Variants in APBB2 observed in about 807,000 individuals in gnomAD.
APBB2 encodes the protein amyloid beta precursor protein binding family B member 2, also known as Fe65-like 1.
APBB2 carries 38 observed loss-of-function variants against 82.5 expected under a neutral mutation model. That is an observed-to-expected ratio of 0.46 (90% CI 0.36 to 0.60). The LOEUF is 0.60. Among genes scored for constraint, APBB2 ranks in the 20% least tolerant of loss-of-function variants. The probability of loss-of-function intolerance (pLI) is 0.00; values close to 1 mark genes in which losing one functional copy is unlikely to be tolerated. For missense variants in APBB2, 772 were observed against 972.3 expected, an observed-to-expected ratio of 0.79 and a Z score of 2.74; for synonymous variants, 341 against 368.2, an observed-to-expected ratio of 0.93 and a Z score of 0.85.
intron 2 of APBB2, among the ~76,000 whole-genome samples, chr4:41,106,902 G>C (rs1434737747): frequency 6.6e-6 from 1 of 152,146 alleles, no homozygotes; most frequent in Non-Finnish European, 1.5e-5. Flanking sequence ...ACATCTTACT[G>C]TGCCAAAAAG....
intron 3 of APBB2, among the ~76,000 whole-genome samples, chr4:41,089,873 T>C (rs544424884): frequency 1.3e-5 from 2 of 152,334 alleles, no homozygotes; most frequent in South Asian, 2.1e-4. Context: ...AAGCATGTTT[T>C]GATCCTACGC....
intron 1 of APBB2, among the ~76,000 whole-genome samples, chr4:41,150,191 T>G (rs1761885483): frequency 6.6e-6 from 1 of 152,240 alleles, no homozygotes; most frequent in African/African-American, 2.4e-5. Flanking sequence ...ATTATAATAA[T>G]GGGCAACTGT....
intron 6 of APBB2, among the ~76,000 whole-genome samples, chr4:40,956,545 A>T (rs1791686670): frequency 6.6e-6 from 1 of 151,944 alleles, no homozygotes; most frequent in African/African-American, 2.4e-5. Flanking sequence ...TGTCTACCAC[A>T]GCCTCAGAAA....
At chr4:41,169,204 A>T (rs1408816497) in intron 1 of APBB2, among the ~76,000 whole-genome samples, 8 of 150,424 alleles carry the variant, frequency 5.3e-5, no homozygotes, top group Non-Finnish European at 1.2e-4. Flanking sequence ...AAAAAAAAAA[A>T]AGGAAGAGGA....
intron 1 of APBB2, among the ~76,000 whole-genome samples, chr4:41,149,476 A>AG (rs1274980222): frequency 6.6e-6 from 1 of 152,100 alleles, no homozygotes; most frequent in Non-Finnish European, 1.5e-5. Context: ...GGCTGAGGAA[A>AG]GGGGGGAGAA....
At chr4:40,845,118 T>C (rs1440903872) in intron 12 of APBB2, among the ~76,000 whole-genome samples, 2 of 152,254 alleles carry the variant, frequency 1.3e-5, no homozygotes, top group African/African-American at 4.8e-5. Context: ...AGTTAATTCA[T>C]TTGGAGTTAA....
chr4:40,955,756 A>T (rs1791451647), intron 6 of APBB2, among the ~76,000 whole-genome samples: 1 of 151,004 alleles, frequency 6.6e-6, no homozygotes. Flanking sequence ...CCCTCCCCTA[A>T]CCAAAACATA....
At position 40,913,569 on chromosome 4, in the gene APBB2, C is replaced by T. The variant is rs192065202; in HGVS notation, c.1255-20158G>A. ...ACTTGCTAAAGTTTATTTGTAACCCCAAAGTCCATACTCCTGGTGCTTTTG... is the reference window on the plus strand; with the variant it reads ...ACTTGCTAAAGTTTATTTGTAACCCTAAAGTCCATACTCCTGGTGCTTTTG... On this transcript the variant is annotated intron_variant, in intron 10 of 17. Transcript: ENST00000508593. 1.6e-4 allele frequency among the ~76,000 whole-genome samples: 24 copies of T among 152,262 alleles called. No individual in the cohort carries two copies. In the East Asian group the frequency reaches 4.6e-3, roughly 29 times the overall value.
intron 1 of APBB2, among the ~76,000 whole-genome samples, chr4:41,188,843 G>A (rs1010916635): frequency 1.3e-5 from 2 of 152,030 alleles, no homozygotes; most frequent in Non-Finnish European, 2.9e-5. Context: ...GAGCCTGGGA[G>A]GCACAGATGC....
chr4:40,930,444 TGTGTGCGCGC>T (rs869229463), intron 10 of APBB2, among the ~76,000 whole-genome samples: 1,015 of 60,910 alleles, frequency 0.017, 5 homozygotes, highest in African/African-American at 0.026. Flanking sequence ...TGTGTGTGTG[TGTGTGCGCGC>T]GCGCGCGCGC....
chr4:40,908,479 C>T lies in APBB2; in HGVS notation c.1255-15068G>A, dbSNP rs10000108. On this transcript the variant is annotated intron_variant, in intron 10 of 17. Transcript: ENST00000508593. ...GCGGCAACAATGCTGGCTTTCCTGA[C>T]GGAGAGAGGGAGGCCGGCATCCCCA... Among the ~76,000 whole-genome samples, 1,008 of 152,222 alleles carry T rather than the reference C, an allele frequency of 6.6e-3. 9 individuals are homozygous for T. Among genetic ancestry groups the T allele is most frequent in the African/African-American group, 0.017 (722 of 41,508 alleles).
chr4:40,874,605 G>T (rs1488889752), intron 12 of APBB2, among the ~76,000 whole-genome samples: 3 of 152,172 alleles, frequency 2.0e-5, no homozygotes, highest in African/African-American at 7.2e-5. Context: ...AGAATCCCTA[G>T]AACAGTGTTT....
chr4:41,000,870 AAG>A (rs1424126057), intron 6 of APBB2, among the ~76,000 whole-genome samples: 2 of 152,296 alleles, frequency 1.3e-5, no homozygotes, highest in East Asian at 3.9e-4. Flanking sequence ...TTAAAAAAAA[AAG>A]GAGACAGAGA....
At chr4:40,948,890 C>CAAAAAAAAAAAAAAAAAAAAAAAAAAA (rs59172492) in intron 6 of APBB2, among the ~76,000 whole-genome samples, 2 of 101,614 alleles carry the variant, frequency 2.0e-5, no homozygotes, top group African/African-American at 8.1e-5. Context: ...ATCCTGTCTC[C>CAAAAAAAAAAAAAAAAAAAAAAAAAAA]AAAAAAAAAA....
At chr4:41,189,868 G>C (rs1432192381) in intron 1 of APBB2, among the ~76,000 whole-genome samples, 1 of 152,158 alleles carries the variant, frequency 6.6e-6, no homozygotes, top group Non-Finnish European at 1.5e-5. Flanking sequence ...GTGAACCCCT[G>C]GGAGACAGGC....
intron 12 of APBB2, among the ~76,000 whole-genome samples, chr4:40,867,995 G>A (rs1302977586): frequency 2.0e-5 from 3 of 151,164 alleles, no homozygotes; most frequent in Non-Finnish European, 4.4e-5. Flanking sequence ...AGCCTCCTGA[G>A]TAGTTAGGTC....
intron 6 of APBB2, among the ~76,000 whole-genome samples, chr4:40,952,518 A>C (rs1397578591): frequency 6.6e-6 from 1 of 152,174 alleles, no homozygotes; most frequent in African/African-American, 2.4e-5. Flanking sequence ...CTCATTCTCC[A>C]TTTTTAAGTA....
chr4:40,830,519 G>A lies in APBB2; in HGVS notation c.1588C>T (p.Arg530Ter), dbSNP rs757146916. Residue 530 changes from arginine to a stop codon, truncating the protein, a stop_gained, in exon 13 of 18, where the codon CGA (arginine) becomes TGA (stop). Transcript: ENST00000508593. LOFTEE classifies it high-confidence loss of function. ...DTRILKCHVF[R>*]CDTPAKAIAT... ...ATGGCTTTTGCTGGTGTGTCACATC[G>A]AAATACATGACATTTCAAAATTCTT... The A allele has an allele frequency of 3.1e-6, 5 of 1,614,102 alleles. No individual in the cohort carries two copies. Among genetic ancestry groups the A allele is most frequent in the Non-Finnish European group, 2.5e-6 (3 of 1,180,002 alleles).
intron 13 of APBB2, among the ~76,000 whole-genome samples, chr4:40,828,555 G>C (rs1266575108): frequency 2.0e-5 from 3 of 152,184 alleles, no homozygotes; most frequent in Non-Finnish European, 1.5e-5. Flanking sequence ...CTTTATGCCA[G>C]AATATAAGCT....
Sources: gnomAD v4.1 joint callset for allele counts (sites outside exome capture counted in the v4.1 genomes callset) on GRCh38, gnomAD v4.1.1 for gene constraint, MANE v1.5 for transcripts, NCBI Gene and HGNC (gene_info 2026-07-23, HGNC 2026-07-21) for gene names.